The following REC114 variants were observed in gnomAD, a reference collection of about 807,000 sequenced individuals.
REC114 encodes the protein meiotic recombination protein REC114.
REC114 carries 27 observed loss-of-function variants against 31.3 expected under a neutral mutation model. The ratio of observed to expected loss-of-function variants is 0.86; its 90% CI spans 0.64 to 1.19. The LOEUF is 1.19. Ranked by LOEUF, REC114 falls within the 50% of genes most tolerant of loss-of-function variation. The pLI is 0.00. For missense variants in REC114, 344 were observed against 326.9 expected (o/e 1.05, Z -0.40); for synonymous variants, 134 against 127.7 (o/e 1.05, Z -0.33).
intron 1 of REC114, among the ~76,000 whole-genome samples, chr15:73,458,764 C>A (rs1892951192): frequency 6.6e-6 from 1 of 152,174 alleles, no homozygotes; most frequent in Non-Finnish European, 1.5e-5. Flanking sequence ...TGTAAGCCAC[C>A]ATGACACTTT....
chr15:73,456,115 G>A (rs1039708025), intron 1 of REC114, among the ~76,000 whole-genome samples: 3 of 152,254 alleles, frequency 2.0e-5, no homozygotes, highest in African/African-American at 7.2e-5. Flanking sequence ...ATGAGCAAAT[G>A]TTAGTTCCTT....
chr15:73,473,656 T>G (rs760476339), intron 1 of REC114, among the ~76,000 whole-genome samples, 176 bp from the exon 2 acceptor site: 8 of 152,012 alleles, frequency 5.3e-5, no homozygotes, highest in Non-Finnish European at 1.2e-4. Flanking sequence ...AGCCTATATA[T>G]ATGGAGAAGC....
At chr15:73,521,192 C>A (rs571767623) in intron 2 of REC114, among the ~76,000 whole-genome samples, 1 of 152,158 alleles carries the variant, frequency 6.6e-6, no homozygotes, top group South Asian at 2.1e-4. Flanking sequence ...TCAACACACC[C>A]CTCTCAATAG....
chr15:73,474,149 T>C (rs778944945), intron 2 of REC114, among the ~76,000 whole-genome samples: 14 of 152,150 alleles, frequency 9.2e-5, no homozygotes, highest in Non-Finnish European at 1.9e-4. Context: ...GATCAAAAGA[T>C]TGAAATTAAC....
At chr15:73,550,436 T>C (rs1894371335) in intron 3 of REC114, among the ~76,000 whole-genome samples, 1 of 152,174 alleles carries the variant, frequency 6.6e-6, no homozygotes, top group Non-Finnish European at 1.5e-5. Context: ...ATCATTAGCA[T>C]GAGATCTATT....
intron 2 of REC114, among the ~76,000 whole-genome samples, chr15:73,480,936 C>T (rs565348291): frequency 1.3e-5 from 2 of 152,292 alleles, no homozygotes; most frequent in African/African-American, 4.8e-5. Context: ...CCTTGGCCTC[C>T]CAAAGTGCTG....
intron 2 of REC114, among the ~76,000 whole-genome samples, chr15:73,504,773 T>TA (rs74783650): frequency 3.9e-5 from 6 of 152,052 alleles, no homozygotes; most frequent in South Asian, 2.1e-4. Context: ...TGTTACTTAT[T>TA]AAAAAAAATT....
Position 73,443,250 on chromosome 15 carries a change from C to T in REC114, c.65C>T (p.Pro22Leu), listed in dbSNP as rs371048409. Residue 22 changes from proline to leucine, a missense_variant, in exon 1 of 6, where the codon CCT becomes CTT. Physicochemically the swap from Pro to Leu is moderately conservative, Grantham distance 98. Coordinates refer to ENST00000331090, the MANE Select transcript of REC114 (RefSeq NM_001042367.2). ...ACCGGAGGAGAAGCGGCAGAGTGGC[C>T]TCTGCAGCGGTACGCCCGCTGCATA... is the stretch of plus-strand genomic sequence containing the variant. Reference protein sequence around the residue: ...GLTGGEAAEWPLQRYARCIPS... With the variant: ...GLTGGEAAEWLLQRYARCIPS... The T allele has an allele frequency of 8.8e-5, 139 of 1,573,422 alleles. No homozygotes were observed. Among genetic ancestry groups the T allele is most frequent in the Non-Finnish European group, 1.1e-4 (126 of 1,160,400 alleles).
At chr15:73,547,897 A>G (rs776519652) in intron 3 of REC114, among the ~76,000 whole-genome samples, 39 of 152,238 alleles carry the variant, frequency 2.6e-4, no homozygotes, top group Non-Finnish European at 4.6e-4. Context: ...TGCCAAAAGC[A>G]ATTGCAACAA....
chr15:73,559,904 T>C lies in REC114; in HGVS notation c.789T>C (p.Gly263=), dbSNP rs372651505. The C allele has an allele frequency of 5.8e-5, 94 of 1,610,936 alleles. No individual in the cohort carries two copies. In the African/African-American group the frequency reaches 1.2e-3, roughly 20 times the overall value. Reference sequence around the variant, plus strand: ...AAAAGGAACTGAAAAAGCTGGCGGGTTTGAGAAATTAATGCTCTATATACA... The same window carrying C: ...AAAAGGAACTGAAAAAGCTGGCGGGCTTGAGAAATTAATGCTCTATATACA... ...EVEKELKKLA[G]LRN The change falls in exon 6 of 6, where the codon GGT becomes GGC. Residue 263 remains glycine, a synonymous_variant. Coordinates refer to ENST00000331090, the MANE Select transcript of REC114 (RefSeq NM_001042367.2).
At chr15:73,480,570 A>G (rs972970365) in intron 2 of REC114, among the ~76,000 whole-genome samples, 1 of 152,174 alleles carries the variant, frequency 6.6e-6, no homozygotes, top group African/African-American at 2.4e-5. Context: ...AGCAACACGT[A>G]GAAGAGCAAA....
Position 73,529,495 on chromosome 15 carries a change from C to A in REC114, c.250-10990C>A, listed in dbSNP as rs531519374. On this transcript the variant is annotated intron_variant, in intron 2 of 5. Transcript: ENST00000331090. ...TATATACAGATACTTGGATTTGCTTCAGAATAATCCAGGGAGATGGGAGTT... is the reference window on the plus strand; with the variant it reads ...TATATACAGATACTTGGATTTGCTTAAGAATAATCCAGGGAGATGGGAGTT... Among the ~76,000 whole-genome samples the A allele has an allele frequency of 3.9e-5, 6 of 152,102 alleles. No homozygotes were observed. In the East Asian group the frequency reaches 1.2e-3, roughly 29 times the overall value.
At chr15:73,475,588 T>G (rs546153313) in intron 2 of REC114, among the ~76,000 whole-genome samples, 1 of 152,356 alleles carries the variant, frequency 6.6e-6, no homozygotes, top group Non-Finnish European at 1.5e-5. Context: ...TTTAAGTTAT[T>G]GTAAAACAGT....
intron 2 of REC114, among the ~76,000 whole-genome samples, chr15:73,513,703 C>G (rs1388391831): frequency 6.6e-6 from 1 of 151,924 alleles, no homozygotes. Context: ...AATACCCTGC[C>G]TTGTGAGGTG....
intron 1 of REC114, among the ~76,000 whole-genome samples, chr15:73,468,985 TAA>T (rs1893098723): frequency 6.6e-6 from 1 of 152,198 alleles, no homozygotes; most frequent in Non-Finnish European, 1.5e-5. Flanking sequence ...TGTGCTCAGG[TAA>T]CATTCTCTTA....
intron 1 of REC114, among the ~76,000 whole-genome samples, chr15:73,453,630 A>G (rs907377859): frequency 3.9e-5 from 6 of 152,174 alleles, no homozygotes; most frequent in African/African-American, 1.4e-4. Context: ...TATATACCCA[A>G]AGGATTATAA....
intron 2 of REC114, among the ~76,000 whole-genome samples, chr15:73,539,919 G>C (rs1235965371): frequency 3.3e-5 from 5 of 152,110 alleles, no homozygotes; most frequent in African/African-American, 1.2e-4. Flanking sequence ...GGATCCAACT[G>C]TTGTCCCTCA....
chr15:73,450,671 A>T (rs528567585), intron 1 of REC114, among the ~76,000 whole-genome samples: 30 of 152,326 alleles, frequency 2.0e-4, no homozygotes, highest in South Asian at 4.1e-4. Flanking sequence ...CCCCAAATCG[A>T]GAGAATATAC....
chr15:73,485,303 C>T (rs961222423), intron 2 of REC114, among the ~76,000 whole-genome samples: 1 of 152,064 alleles, frequency 6.6e-6, no homozygotes, highest in Admixed American at 6.6e-5. Context: ...AGGATGGTCT[C>T]GATCTCTTGA....
Sources: allele counts gnomAD v4.1 joint callset (sites outside exome capture counted in the v4.1 genomes callset), GRCh38; gene constraint gnomAD v4.1.1; transcripts MANE v1.5; gene names NCBI Gene and HGNC (gene_info 2026-07-23, HGNC 2026-07-21).